COL10A1: variants seen among roughly 807,000 people sequenced by gnomAD.
COL10A1 encodes the protein collagen alpha-1(X) chain.
Under a neutral mutation model 18.2 loss-of-function variants are expected in COL10A1, and 10 were observed. That is an observed-to-expected ratio of 0.55 (90% CI 0.34 to 0.93). COL10A1 has a LOEUF of 0.93. COL10A1 is among the 40% of genes least tolerant of loss of function. The pLI, the probability that COL10A1 is intolerant of heterozygous loss-of-function variation, is 0.02. For synonymous variants in COL10A1, 330 were observed against 316.6 expected (o/e 1.04, Z -0.45); for missense variants, 897 against 853.5 (o/e 1.05, Z -0.64).
intron 1 of COL10A1, among the ~76,000 whole-genome samples, chr6:116,147,258 A>G (rs919568109): frequency 6.6e-6 from 1 of 152,016 alleles, no homozygotes; most frequent in Non-Finnish European, 1.5e-5. Context: ...CCTGGCCAAC[A>G]TGGTGAAATC....
At chr6:116,215,457 C>T in the COL10A1 span, among the ~76,000 whole-genome samples, 1 of 152,128 alleles carries the variant, frequency 6.6e-6, no homozygotes, top group Admixed American at 6.6e-5. Flanking sequence ...TTTCATCTCT[C>T]CCTATGAAAT....
intron 1 of COL10A1, among the ~76,000 whole-genome samples, chr6:116,136,651 C>T (rs1001866282): frequency 7.9e-5 from 12 of 152,130 alleles, no homozygotes; most frequent in African/African-American, 2.9e-4. Context: ...ATGTGACTTA[C>T]TGTTCTGATA....
At chr6:116,136,769 C>G (rs1408929784) in intron 1 of COL10A1, among the ~76,000 whole-genome samples, 1 of 152,116 alleles carries the variant, frequency 6.6e-6, no homozygotes, top group Non-Finnish European at 1.5e-5. Context: ...TATTCTTGGC[C>G]TTAGTTCCAA....
the COL10A1 span, among the ~76,000 whole-genome samples, chr6:116,187,354 T>G: frequency 1.5e-4 from 23 of 152,114 alleles, no homozygotes; most frequent in Admixed American, 9.8e-4. Flanking sequence ...TATAGAAAAC[T>G]GAAGCTCATG....
the COL10A1 span, among the ~76,000 whole-genome samples, chr6:116,207,951 T>C: frequency 0.43 from 64,593 of 151,794 alleles, 17,714 homozygotes; most frequent in African/African-American, 0.78. Context: ...TACTGAAATG[T>C]TGTCTCGGCA....
At chr6:116,180,428 C>T in the COL10A1 span, among the ~76,000 whole-genome samples, 1 of 151,992 alleles carries the variant, frequency 6.6e-6, no homozygotes, top group Non-Finnish European at 1.5e-5. Context: ...ACTTTATAAT[C>T]CCTAATGAAA....
At chr6:116,206,165 T>G in the COL10A1 span, among the ~76,000 whole-genome samples, 1 of 152,152 alleles carries the variant, frequency 6.6e-6, no homozygotes, top group South Asian at 2.1e-4. Flanking sequence ...TCTTGCATTT[T>G]GGGCCCATGC....
chr6:116,151,062 G>A (rs1006862147), intron 1 of COL10A1, among the ~76,000 whole-genome samples: 4 of 152,126 alleles, frequency 2.6e-5, no homozygotes, highest in African/African-American at 9.7e-5. Flanking sequence ...TGACATCTCT[G>A]AGTTTTTATT....
the COL10A1 span, among the ~76,000 whole-genome samples, chr6:116,190,890 T>C: frequency 3.3e-5 from 5 of 152,090 alleles, no homozygotes; most frequent in East Asian, 7.8e-4. Context: ...TCTACATGGC[T>C]CTCATTAGTG....
chr6:116,196,460 A>G, the COL10A1 span, among the ~76,000 whole-genome samples: 28 of 152,028 alleles, frequency 1.8e-4, no homozygotes, highest in African/African-American at 6.5e-4. Flanking sequence ...ATCAACCATT[A>G]TTAGTGATTA....
At chr6:116,182,718 C>G in the COL10A1 span, among the ~76,000 whole-genome samples, 1 of 151,768 alleles carries the variant, frequency 6.6e-6, no homozygotes, top group Non-Finnish European at 1.5e-5. Flanking sequence ...CCTTAGCCCA[C>G]TTTTTGATGT....
At chr6:116,169,274 A>G in the COL10A1 span, among the ~76,000 whole-genome samples, 1 of 152,208 alleles carries the variant, frequency 6.6e-6, no homozygotes, top group Non-Finnish European at 1.5e-5. Context: ...TAACTTTTCT[A>G]GTTATCCTCA....
chr6:116,161,856 A>G (rs968002246), upstream of COL10A1, among the ~76,000 whole-genome samples: 1 of 152,234 alleles, frequency 6.6e-6, no homozygotes, highest in Non-Finnish European at 1.5e-5. Flanking sequence ...CTTCCTGCCC[A>G]TGAGCAAGGG....
chr6:116,210,578 C>T, the COL10A1 span, among the ~76,000 whole-genome samples: 2 of 151,896 alleles, frequency 1.3e-5, no homozygotes, highest in African/African-American at 4.8e-5. Context: ...TCATATAGGA[C>T]CTGTTCCTGG....
chr6:116,145,493 T>G (rs544611938), intron 1 of COL10A1: 59 of 370,082 alleles, frequency 1.6e-4, no homozygotes, highest in Non-Finnish European at 3.4e-4. Flanking sequence ...TCATACTTAT[T>G]TAAGAGATTA....
the COL10A1 span, among the ~76,000 whole-genome samples, chr6:116,168,823 G>A: frequency 1.3e-5 from 2 of 152,102 alleles, no homozygotes; most frequent in African/African-American, 4.8e-5. Context: ...GTTTGCTTCT[G>A]GCAGGCAGCT....
chr6:116,165,098 G>GGAAAA, the COL10A1 span, among the ~76,000 whole-genome samples: 1 of 101,072 alleles, frequency 9.9e-6, no homozygotes, highest in African/African-American at 4.1e-5. Flanking sequence ...CTCCGTCTCA[G>GGAAAA]AAAAAAAAAA....
At chr6:116,145,943 G>A (rs1046894072) in intron 1 of COL10A1, among the ~76,000 whole-genome samples, 4 of 152,298 alleles carry the variant, frequency 2.6e-5, no homozygotes, top group South Asian at 2.1e-4. Context: ...AATTTGGTAT[G>A]CAGTCTAGTG....
chr6:116,165,350 C>CTGGATTTCTTCCACA, the COL10A1 span, among the ~76,000 whole-genome samples: 4 of 152,054 alleles, frequency 2.6e-5, no homozygotes, highest in Non-Finnish European at 2.9e-5. Flanking sequence ...CACTGGTGTT[C>CTGGATTTCTTCCACA]TGGATTTCTT....
Sources: gnomAD v4.1 joint callset for allele counts (sites outside exome capture counted in the v4.1 genomes callset) on GRCh38, gnomAD v4.1.1 for gene constraint, MANE v1.5 for transcripts, NCBI Gene and HGNC (gene_info 2026-07-23, HGNC 2026-07-21) for gene names.